PXDN: variants seen among roughly 807,000 people sequenced by gnomAD.
The protein encoded by PXDN is peroxidasin, also known as peroxidasin homolog.
PXDN carries 77 observed loss-of-function variants against 140.3 expected under a neutral mutation model. The observed-to-expected ratio is 0.55, with a 90% confidence interval of 0.46 to 0.66. The LOEUF (loss-of-function observed/expected upper bound fraction) is 0.66. Ranked by LOEUF, PXDN falls within the 30% of genes least tolerant of loss-of-function variation. PXDN has a pLI of 0.00. For missense variants in PXDN, 1,838 were observed against 2,039.5 expected (o/e 0.90, Z 1.90); for synonymous variants, 911 against 857.4 (o/e 1.06, Z -1.09).
intron 1 of PXDN, among the ~76,000 whole-genome samples, chr2:1,743,645 A>AG (rs1179317154): frequency 2.5e-5 from 2 of 79,870 alleles, no homozygotes; most frequent in African/African-American, 9.3e-5. Flanking sequence ...AGGAGAAGGA[A>AG]GGGGGGGAGG....
Position 1,648,327 on chromosome 2 carries a change from A to G in PXDN, c.3453T>C (p.Ala1151=). 6.2e-7 allele frequency: 1 copy of G among 1,613,816 alleles called. No homozygotes were observed. Among genetic ancestry groups the G allele is most frequent in the Non-Finnish European group, 8.5e-7 (1 of 1,179,886 alleles). The change falls in exon 17 of 23, where the codon GCT becomes GCC. Residue 1151 remains alanine, a synonymous_variant. Coordinates refer to ENST00000252804, the MANE Select transcript of PXDN (RefSeq NM_012293.3). This position sits in a 1 kb window ranked among gnomAD's most constrained non-coding sequence, Gnocchi z 8.9. ...ERLFSMAHTV[A]LDLAAINIQR... ...GGATGTTGATGGCCGCCAGGTCCAG[A>G]GCCACCGTGTGTGCCATGGAGAACA...
chr2:1,681,547 G>C (rs1385638306), intron 6 of PXDN, among the ~76,000 whole-genome samples: 1 of 151,722 alleles, frequency 6.6e-6, no homozygotes, highest in African/African-American at 2.4e-5. Context: ...ATCTCTAGGG[G>C]CCGACGCTGG....
chr2:1,712,657 CCAG>C (rs1247071103), intron 1 of PXDN, among the ~76,000 whole-genome samples: 1 of 152,232 alleles, frequency 6.6e-6, no homozygotes, highest in Non-Finnish European at 1.5e-5. Context: ...GGAAAAGCGG[CCAG>C]CAGCAGAACT....
chr2:1,669,140 G>C (rs1266645878), intron 9 of PXDN, among the ~76,000 whole-genome samples: 8 of 152,206 alleles, frequency 5.3e-5, no homozygotes. Flanking sequence ...ATGAGTTCAT[G>C]TCCTTTGCAG....
At chr2:1,744,531 GC>G, upstream of PXDN, 1 of 1,246,118 alleles carries the variant, frequency 8.0e-7, no homozygotes, top group Non-Finnish European at 1.0e-6. Flanking sequence ...CCCGGCCGCG[GC>G]CCACGTCCCA....
chr2:1,710,119 G>A (rs1004468352), intron 1 of PXDN, among the ~76,000 whole-genome samples: 2 of 152,202 alleles, frequency 1.3e-5, no homozygotes, highest in Non-Finnish European at 2.9e-5. Context: ...GCCCTGCAAT[G>A]ACAAGCTTTC....
chr2:1,661,068 G>C, intron 13 of PXDN, 31 bp from the exon 14 acceptor site: 1 of 1,612,404 alleles, frequency 6.2e-7, no homozygotes, highest in Non-Finnish European at 8.5e-7. Flanking sequence ...AACAGTATTA[G>C]AAATAAGACT....
intron 1 of PXDN, among the ~76,000 whole-genome samples, chr2:1,734,198 C>G (rs1685378960): frequency 6.6e-6 from 1 of 152,196 alleles, no homozygotes; most frequent in South Asian, 2.1e-4. Context: ...AAGTTATTCA[C>G]ATGAATGTTT....
chr2:1,634,749 C>T (rs1168637324), intron 22 of PXDN, among the ~76,000 whole-genome samples: 1 of 152,202 alleles, frequency 6.6e-6, no homozygotes, highest in African/African-American at 2.4e-5. Context: ...CCGGTCTGCC[C>T]TTCCCAAACC....
Position 1,743,881 on chromosome 2 carries a change from G to A in PXDN, c.200+375C>T, listed in dbSNP as rs1335538190. On this transcript the variant is annotated intron_variant, in intron 1 of 22. Transcript: ENST00000252804. ...GCGGAGGAGGGGCCGCGAACCAGGG[G>A]GAAGCGGGAGGCCGGCGGAGCATGA... 2.0e-5 allele frequency among the ~76,000 whole-genome samples: 3 copies of A among 148,088 alleles called. No homozygotes were observed. The South Asian group carries it at 6.5e-4, about 32-fold the overall frequency.
intron 1 of PXDN, among the ~76,000 whole-genome samples, chr2:1,737,866 A>C (rs1363168345): frequency 6.6e-6 from 1 of 152,220 alleles, no homozygotes; most frequent in African/African-American, 2.4e-5. Flanking sequence ...AATAAACTTT[A>C]AAACAAAGAA....
At chr2:1,661,144 A>G (rs953461576) in intron 13 of PXDN, 107 bp from the exon 14 acceptor site, 1 of 1,320,824 alleles carries the variant, frequency 7.6e-7, no homozygotes, top group African/African-American at 1.5e-5. Context: ...TTGCAAATGG[A>G]GAAGCTCCCA....
chr2:1,718,062 TCTA>T (rs1418667510), intron 1 of PXDN, among the ~76,000 whole-genome samples: 50 of 144,276 alleles, frequency 3.5e-4, no homozygotes, highest in African/African-American at 1.2e-3. Flanking sequence ...CCAAACCTGC[TCTA>T]CTAACCTACT....
chr2:1,671,341 A>C (rs1683571473), intron 9 of PXDN, among the ~76,000 whole-genome samples: 1 of 152,228 alleles, frequency 6.6e-6, no homozygotes, highest in Non-Finnish European at 1.5e-5. Context: ...GCTAGAATTT[A>C]TAAATCTCAT....
At chr2:1,683,546 A>ACATGTTTTTCATGTTGCTCTCTAATGG in intron 6 of PXDN, 110 bp downstream of exon 6, 1 of 434,336 alleles carries the variant, frequency 2.3e-6, no homozygotes, top group Non-Finnish European at 3.5e-6. Context: ...ATTCTTTCAG[A>ACATGTTTTTCATGTTGCTCTCTAATGG]ATCAGATTGT....
rs768288974 is a variant in PXDN at position 1,648,898 on chromosome 2, C to T, written c.2882G>A (p.Arg961Gln). Residue 961 changes from arginine to glutamine, a missense_variant, in exon 17 of 23, where the codon CGG (arginine) becomes CAG (glutamine). Coordinates refer to ENST00000252804, the MANE Select transcript of PXDN (RefSeq NM_012293.3). This position sits in a 1 kb window ranked among gnomAD's most constrained non-coding sequence, Gnocchi z 8.9. ...FATGPPTECM[R>Q]DENESPIPCF... ...GGGGATGGGGCTCTCGTTCTCGTCC[C>T]GCATGCACTCCGTGGGCGGCCCGGT... 3.1e-6 allele frequency: 5 copies of T among 1,601,150 alleles called. No homozygotes were observed. The highest frequency in any genetic ancestry group is 1.1e-5 in the South Asian group (1 of 90,286).
At chr2:1,678,034 G>A (rs888164877) in intron 7 of PXDN, among the ~76,000 whole-genome samples, 1 of 152,154 alleles carries the variant, frequency 6.6e-6, no homozygotes, top group African/African-American at 2.4e-5. Context: ...GGCTCCTCCA[G>A]GATTGCCTCC....
chr2:1,744,549 C>G (rs968977856), upstream of PXDN: 9 of 1,084,162 alleles, frequency 8.3e-6, no homozygotes, highest in Non-Finnish European at 1.0e-5. Flanking sequence ...CCCAGCTGTG[C>G]GCGGGGGGCG....
chr2:1,682,875 G>T (rs1683948071), intron 6 of PXDN, among the ~76,000 whole-genome samples: 1 of 152,228 alleles, frequency 6.6e-6, no homozygotes, highest in Non-Finnish European at 1.5e-5. Flanking sequence ...GGGAGGCAGA[G>T]GTTGCAGTGA....
Sources: gnomAD v4.1 joint callset for allele counts (sites outside exome capture counted in the v4.1 genomes callset) on GRCh38, gnomAD v4.1.1 for gene constraint, Gnocchi (gnomAD v3.1) non-coding constraint, MANE v1.5 for transcripts, NCBI Gene and HGNC (gene_info 2026-07-23, HGNC 2026-07-21) for gene names.